Variants in CGAS observed in about 807,000 individuals in gnomAD.
CGAS encodes the protein cyclic GMP-AMP synthase.
Under a neutral mutation model 34.0 loss-of-function variants are expected in CGAS, and 31 were observed. That is an observed-to-expected ratio of 0.91 (90% CI 0.69 to 1.23). The LOEUF is 1.23. Ranked by LOEUF, CGAS falls within the 50% of genes most tolerant of loss-of-function variation. The pLI, the probability that CGAS is intolerant of heterozygous loss-of-function variation, is 0.00. For synonymous variants in CGAS, 266 were observed against 260.0 expected (o/e 1.02, Z -0.22); for missense variants, 597 against 657.6 (o/e 0.91, Z 1.01).
chr6:73,436,567 G>A (rs910468789), intron 3 of CGAS, among the ~76,000 whole-genome samples: 1 of 151,754 alleles, frequency 6.6e-6, no homozygotes, highest in African/African-American at 2.4e-5. Context: ...CTGTTACCCA[G>A]GCTAGAGTGC....
rs189945894 is a variant in CGAS, at chr6:73,425,847, G to A, written c.1218-269C>T. On this transcript the variant is annotated intron_variant, in intron 4 of 4. Coordinates refer to ENST00000370315, the MANE Select transcript of CGAS (RefSeq NM_138441.3). ...AAATTAGCTGGGCGTGGTGGCGCACGCCTGTAATCCCAGCTACTCTGCAGG... is the reference window on the plus strand; with the variant it reads ...AAATTAGCTGGGCGTGGTGGCGCACACCTGTAATCCCAGCTACTCTGCAGG... 1.2e-4 allele frequency among the ~76,000 whole-genome samples: 19 copies of A among 152,176 alleles called. No individual in the cohort carries two copies. In the East Asian group the frequency reaches 2.9e-3, roughly 23 times the overall value.
chr6:73,440,014 T>C (rs1770348311), intron 3 of CGAS, 195 bp downstream of exon 3: 3 of 526,210 alleles, frequency 5.7e-6, no homozygotes, highest in Non-Finnish European at 1.0e-5. Context: ...ATTTTAAAGC[T>C]GAGTATTTGA....
At chr6:73,425,793 G>A (rs1282191301) in intron 4 of CGAS, among the ~76,000 whole-genome samples, 1 of 151,540 alleles carries the variant, frequency 6.6e-6, no homozygotes, top group Non-Finnish European at 1.5e-5. Context: ...TGACTAATAT[G>A]GTGAAACCCC....
chr6:73,433,413 G>A (rs765231975), intron 3 of CGAS, among the ~76,000 whole-genome samples: 27 of 151,502 alleles, frequency 1.8e-4, no homozygotes, highest in Admixed American at 5.3e-4. Flanking sequence ...ACACCACCAC[G>A]CCTGGCTAAT....
At chr6:73,440,533 A>C in intron 2 of CGAS, 88 bp from the exon 3 acceptor site, 1 of 1,147,346 alleles carries the variant, frequency 8.7e-7, no homozygotes. Flanking sequence ...ATAATTGAAG[A>C]TCTCTGGTGT....
chr6:73,426,378 AAC>A (rs1180638444), intron 4 of CGAS, among the ~76,000 whole-genome samples: 5 of 151,914 alleles, frequency 3.3e-5, no homozygotes, highest in Non-Finnish European at 5.9e-5. Context: ...AAATAAATAC[AAC>A]AGTCACACTA....
intron 3 of CGAS, among the ~76,000 whole-genome samples, chr6:73,433,662 T>G (rs567572012): frequency 6.6e-6 from 1 of 152,104 alleles, no homozygotes; most frequent in South Asian, 2.1e-4. Context: ...CTAATTTTTG[T>G]ATTTTTAGTA....
intron 1 of CGAS, among the ~76,000 whole-genome samples, chr6:73,450,832 C>CA (rs1237722868): frequency 7.3e-5 from 11 of 150,910 alleles, no homozygotes; most frequent in South Asian, 2.1e-4. Context: ...ACTAAAAATA[C>CA]AAAAAAAATT....
rs371510386 is a variant in CGAS, at chr6:73,429,552, C to T, written c.1115-741G>A. Among the ~76,000 whole-genome samples the T allele has an allele frequency of 5.0e-4, 76 of 152,200 alleles. No homozygotes were observed. The East Asian group carries it at 6.9e-3, about 14-fold the overall frequency. The stretch of plus-strand genomic sequence containing the variant: ...TAAATATAGAATGATTTCACCTGGG[C>T]GCGGTGGCTCACGCCTGTAATCCCA... On this transcript the variant is annotated intron_variant, in intron 3 of 4. Transcript: ENST00000370315.
intron 2 of CGAS, among the ~76,000 whole-genome samples, chr6:73,444,223 C>T (rs1562294111): frequency 1.3e-5 from 2 of 151,948 alleles, no homozygotes; most frequent in Admixed American, 1.3e-4. Flanking sequence ...CTCCTGACCT[C>T]GTGATATACC....
Position 73,425,428 on chromosome 6 carries a change from G to C in CGAS, c.1368C>G (p.Asp456Glu), listed in dbSNP as rs774436118. 6.2e-7 allele frequency: 1 copy of C among 1,614,088 alleles called. No individual in the cohort carries two copies. The highest frequency in any genetic ancestry group is 8.5e-7 in the Non-Finnish European group (1 of 1,180,018). ...CTQNPQDSQW[D>E]RKDLGLCFDN... ...CAAAGCAGAGGCCCAGGTCTTTGCGGTCCCACTGACTGTCTTGAGGGTTCT... is the reference window on the plus strand; with the variant it reads ...CAAAGCAGAGGCCCAGGTCTTTGCGCTCCCACTGACTGTCTTGAGGGTTCT... Residue 456 changes from aspartate to glutamate, a missense_variant, in exon 5 of 5, where the codon GAC (aspartate) becomes GAG (glutamate). Physicochemically the swap from Asp to Glu is conservative, Grantham distance 45 (BLOSUM62 2). Transcript: ENST00000370315.
intron 1 of CGAS, among the ~76,000 whole-genome samples, chr6:73,450,452 A>C (rs553190152): frequency 3.9e-5 from 6 of 152,112 alleles, no homozygotes; most frequent in African/African-American, 1.4e-4. Context: ...GAAAAAGAAA[A>C]AGAAACAAAT....
intron 4 of CGAS, among the ~76,000 whole-genome samples, chr6:73,427,125 C>T (rs1020483800): frequency 6.6e-6 from 1 of 151,662 alleles, no homozygotes; most frequent in Non-Finnish European, 1.5e-5. Flanking sequence ...GCTGGGATTA[C>T]AGGCGTGAGC....
chr6:73,450,299 CA>C, intron 1 of CGAS, among the ~76,000 whole-genome samples: 1 of 151,778 alleles, frequency 6.6e-6, no homozygotes, highest in South Asian at 2.1e-4. Flanking sequence ...CTTGTAATCC[CA>C]TCTACTCAGG....
In CGAS at chr6:73,446,363, T is replaced by C. The variant is rs534250794; in HGVS notation, c.658-616A>G. Among the ~76,000 whole-genome samples, 12 of 149,246 alleles carry C rather than the reference T, an allele frequency of 8.0e-5. No individual in the cohort carries two copies. In the South Asian group the frequency reaches 2.6e-3, roughly 32 times the overall value. On this transcript the variant is annotated intron_variant, in intron 1 of 4. Transcript: ENST00000370315. ...AAAAAAAAAAAATTTGTGTATGATA[T>C]GTGGTAGGGAATCAAGGTTCATGTT... is the stretch of plus-strand genomic sequence containing the variant.
chr6:73,439,158 C>T (rs1001604638), intron 3 of CGAS, among the ~76,000 whole-genome samples: 3 of 151,674 alleles, frequency 2.0e-5, no homozygotes, highest in African/African-American at 7.3e-5. Flanking sequence ...TCCCTGGAAT[C>T]CAATAGTAGT....
At chr6:73,435,190 T>C (rs1029090910) in intron 3 of CGAS, among the ~76,000 whole-genome samples, 1 of 152,094 alleles carries the variant, frequency 6.6e-6, no homozygotes, top group African/African-American at 2.4e-5. Flanking sequence ...GGAATGGGTA[T>C]GGGGTTATAC....
intron 3 of CGAS, among the ~76,000 whole-genome samples, chr6:73,432,243 C>A (rs572120875): frequency 6.6e-6 from 1 of 152,232 alleles, no homozygotes; most frequent in East Asian, 1.9e-4. Flanking sequence ...CTCACTGCAA[C>A]CTCTGCCTTC....
intron 2 of CGAS, 41 bp downstream of exon 2, chr6:73,445,487 G>T: frequency 7.1e-7 from 1 of 1,408,846 alleles, no homozygotes; most frequent in Non-Finnish European, 9.8e-7. Context: ...CAATTACTAG[G>T]TATAATTAAA....
Sources: gnomAD v4.1 joint callset for allele counts (sites outside exome capture counted in the v4.1 genomes callset) on GRCh38, gnomAD v4.1.1 for gene constraint, MANE v1.5 for transcripts, NCBI Gene and HGNC (gene_info 2026-07-23, HGNC 2026-07-21) for gene names.